Variants in RAD18 observed in about 807,000 individuals in gnomAD.
The protein encoded by RAD18 is RAD18 E3 ubiquitin protein ligase, also known as E3 ubiquitin-protein ligase RAD18.
A neutral mutation model predicts 60.4 loss-of-function variants in RAD18; 47 were observed. That is an observed-to-expected ratio of 0.78 (90% confidence interval 0.62 to 0.99). The LOEUF (loss-of-function observed/expected upper bound fraction) is 0.99. RAD18 is among the 50% of genes least tolerant of loss of function. RAD18 has a pLI of 0.00. For missense variants in RAD18, 640 were observed against 593.3 expected (o/e 1.08, Z -0.82); for synonymous variants, 225 against 195.5 (o/e 1.15, Z -1.26).
At chr3:8,899,155 T>C (rs915760820) in intron 10 of RAD18, 108 bp from the exon 11 acceptor site, 3 of 816,712 alleles carry the variant, frequency 3.7e-6, no homozygotes, top group Non-Finnish European at 5.4e-6. Context: ...TTGAAGTATA[T>C]GTCACATAGA....
chr3:8,903,547 A>G (rs1236385628), intron 9 of RAD18, among the ~76,000 whole-genome samples: 2 of 152,176 alleles, frequency 1.3e-5, no homozygotes, highest in Admixed American at 1.3e-4. Flanking sequence ...ATCTTTATTT[A>G]CTACCATTTT....
At chr3:8,894,213 T>C (rs568983413) in intron 11 of RAD18, among the ~76,000 whole-genome samples, 130 of 152,372 alleles carry the variant, frequency 8.5e-4, no homozygotes, top group African/African-American at 3.0e-3. Flanking sequence ...ATAAGGTTTT[T>C]GTCGCACAAA....
At chr3:8,904,901 T>C (rs1413180434) in intron 9 of RAD18, among the ~76,000 whole-genome samples, 1 of 152,226 alleles carries the variant, frequency 6.6e-6, no homozygotes, top group African/African-American at 2.4e-5. Context: ...CTTAATGACT[T>C]ATTATCTTCT....
chr3:8,882,451 A>G (rs1644180470), intron 12 of RAD18, among the ~76,000 whole-genome samples: 1 of 152,134 alleles, frequency 6.6e-6, no homozygotes, highest in Non-Finnish European at 1.5e-5. Context: ...GTAGCCAGAT[A>G]CCATGGGAGG....
rs775252068 is a variant in RAD18 at position 8,958,952 on chromosome 3, A to G, written c.101T>C (p.Ile34Thr). ...TGAACACTGAGGTATTATCATTGCA[A>G]TGTTGAAATACTCGAAGCAAATTCC... ...RCGICFEYFN[I>T]AMIIPQCSHN... The change falls in exon 2 of 13, where the codon ATT (isoleucine) becomes ACT (threonine). Residue 34 changes from isoleucine to threonine, a missense_variant. Physicochemically the swap from Ile to Thr is moderately conservative, Grantham distance 89 (BLOSUM62 -1). Coordinates refer to ENST00000264926, the MANE Select transcript of RAD18 (RefSeq NM_020165.4). 3.7e-6 allele frequency: 6 copies of G among 1,613,906 alleles called. No homozygotes were observed. Among genetic ancestry groups the G allele is most frequent in the Non-Finnish European group, 5.1e-6 (6 of 1,179,792 alleles).
At chr3:8,926,613 C>T (rs1261155984) in intron 7 of RAD18, among the ~76,000 whole-genome samples, 1 of 152,152 alleles carries the variant, frequency 6.6e-6, no homozygotes, top group Non-Finnish European at 1.5e-5. Context: ...CAATCCTAAG[C>T]CAAGAGAACA....
rs763726560 is a variant in RAD18, at chr3:8,939,618, T to C, written c.640A>G (p.Ser214Gly). The change falls in exon 6 of 13, where the codon AGT becomes GGT. Residue 214 changes from serine to glycine, a missense_variant. By Grantham distance (56) the Ser-to-Gly change is moderately conservative (BLOSUM62 0). Coordinates refer to ENST00000264926, the MANE Select transcript of RAD18 (RefSeq NM_020165.4). ...CPVCGVNIPE[S>G]HINKHLDSCL... is the part of the protein sequence containing the mutation. ...CTGTCTAAATGCTTATTAATGTGACTTTCTGGAATGTTAACCCCGCAAACA... is the reference window on the plus strand; with the variant it reads ...CTGTCTAAATGCTTATTAATGTGACCTTCTGGAATGTTAACCCCGCAAACA... The C allele has an allele frequency of 4.3e-6, 7 of 1,613,032 alleles. No individual in the cohort carries two copies. The highest frequency in any genetic ancestry group is 5.9e-6 in the Non-Finnish European group (7 of 1,179,310).
intron 11 of RAD18, among the ~76,000 whole-genome samples, chr3:8,890,899 T>C (rs953897466): frequency 3.3e-5 from 5 of 152,078 alleles, no homozygotes; most frequent in African/African-American, 9.7e-5. Context: ...TCCATTCTTC[T>C]TTACCTGATG....
intron 2 of RAD18, among the ~76,000 whole-genome samples, chr3:8,950,058 T>A (rs146020979): frequency 6.6e-6 from 1 of 151,666 alleles, no homozygotes; most frequent in African/African-American, 2.4e-5. Context: ...CAAGATGGAG[T>A]CTAATTCTGT....
intron 5 of RAD18, 69 bp downstream of exon 5, chr3:8,941,398 G>A (rs1423467645): frequency 7.6e-7 from 1 of 1,323,726 alleles, no homozygotes; most frequent in Non-Finnish European, 1.0e-6. Context: ...CAAAGATGCT[G>A]CCTATTTATT....
chr3:8,912,294 T>A lies in RAD18; in HGVS notation c.1027+18A>T, dbSNP rs771822989. On this transcript the variant is annotated intron_variant, in intron 9 of 12. Transcript: ENST00000264926. ...CAACTGAAGCTCTTTACAAATTAAA[T>A]AAAGTCGTGCAACTTACGATATTTA... The A allele has an allele frequency of 6.6e-7, 1 of 1,523,242 alleles. No homozygotes were observed. The highest frequency in any genetic ancestry group is 1.3e-5 in the South Asian group (1 of 79,084). The allele number at this position is 1,523,242 out of a possible 1,614,324, so 94.4% of individuals were successfully genotyped here.
intron 12 of RAD18, among the ~76,000 whole-genome samples, chr3:8,884,531 A>C (rs1397495510): frequency 6.6e-6 from 1 of 152,084 alleles, no homozygotes; most frequent in Non-Finnish European, 1.5e-5. Flanking sequence ...TTAAGGCTTA[A>C]GTTTTAGTGG....
chr3:8,948,472 A>G, intron 3 of RAD18, 37 bp downstream of exon 3: 2 of 1,544,634 alleles, frequency 1.3e-6, no homozygotes, highest in East Asian at 2.2e-5. Context: ...TATTTGCAGC[A>G]GTCAGTAAGT....
intron 7 of RAD18, among the ~76,000 whole-genome samples, chr3:8,931,147 G>C (rs969181359): frequency 6.6e-5 from 10 of 151,994 alleles, no homozygotes; most frequent in Non-Finnish European, 1.3e-4. Flanking sequence ...AAAGCAATTA[G>C]AAATGAGTTT....
intron 2 of RAD18, among the ~76,000 whole-genome samples, chr3:8,957,327 A>G (rs913754725): frequency 1.1e-4 from 17 of 152,192 alleles, no homozygotes; most frequent in Admixed American, 7.9e-4. Flanking sequence ...CCTGATTTTA[A>G]GTTATACATG....
chr3:8,923,899 G>C (rs1940376873), intron 7 of RAD18, among the ~76,000 whole-genome samples: 2 of 152,160 alleles, frequency 1.3e-5, no homozygotes, highest in South Asian at 4.1e-4. Flanking sequence ...TGCCCTAAAA[G>C]AGCTCCTGAA....
rs1339120420 is a variant in RAD18 at position 8,947,278 on chromosome 3, G to A, written c.208C>T (p.Pro70Ser). The A allele has an allele frequency of 5.0e-6, 8 of 1,608,558 alleles. No individual in the cohort carries two copies. The South Asian group carries it at 8.8e-5, about 18-fold the overall frequency. Residue 70 changes from proline (P) to serine (S), a missense_variant, in exon 4 of 13, where the codon CCG becomes TCG. Pro to Ser is a moderately conservative substitution (Grantham distance 74). Transcript: ENST00000264926. Reference sequence around the variant, plus strand: ...AATATGCGGTTATTTTTCAGATCCGGCTCTGTGACAGTCTAGAAAAAACAA... The same window carrying A: ...AATATGCGGTTATTTTTCAGATCCGACTCTGTGACAGTCTAGAAAAAACAA... ...CPTCCVTVTE[P>S]DLKNNRILDE...
rs1940643503 is a variant in RAD18 at position 8,935,947 on chromosome 3, T to C, written c.813A>G (p.Lys271=). 1 of 1,611,882 alleles carries C rather than the reference T, an allele frequency of 6.2e-7. No homozygotes were observed. The highest frequency in any genetic ancestry group is 1.7e-5 in the Admixed American group (1 of 59,922). The change falls in exon 7 of 13, where the codon AAA becomes AAG. Residue 271 remains lysine, a synonymous_variant. Coordinates refer to ENST00000264926, the MANE Select transcript of RAD18 (RefSeq NM_020165.4). ...KEHGLSIQGN[K]QQLIKRHQEF... Reference sequence around the variant, plus strand: ...CTTGGTGCCTTTTAATGAGCTGTTGTTTATTTCCTTGAATAGATAATCCAT... The same window carrying C: ...CTTGGTGCCTTTTAATGAGCTGTTGCTTATTTCCTTGAATAGATAATCCAT...
chr3:8,923,844 C>T (rs1193102048), intron 7 of RAD18, among the ~76,000 whole-genome samples: 3 of 152,128 alleles, frequency 2.0e-5, no homozygotes, highest in Non-Finnish European at 4.4e-5. Context: ...AAATAAAATA[C>T]TTTACAGACA....
Sources: allele counts gnomAD v4.1 joint callset (sites outside exome capture counted in the v4.1 genomes callset), GRCh38; gene constraint gnomAD v4.1.1; transcripts MANE v1.5; gene names NCBI Gene and HGNC (gene_info 2026-07-23, HGNC 2026-07-21).